Variants in IFFO2 observed in about 807,000 individuals in gnomAD.
The protein encoded by IFFO2 is intermediate filament family orphan 2.
Under a neutral mutation model 53.5 loss-of-function variants are expected in IFFO2, and 19 were observed. The observed-to-expected ratio is 0.36, with a 90% CI of 0.25 to 0.52. The LOEUF (loss-of-function observed/expected upper bound fraction) is 0.52, where lower values mean the gene tolerates loss of function less well. Ranked by LOEUF, IFFO2 falls within the 20% of genes least tolerant of loss-of-function variation. The pLI is 0.94. For synonymous variants in IFFO2, 303 were observed against 313.6 expected, an observed-to-expected ratio of 0.97 and a Z score of 0.36; for missense variants, 570 against 727.4, an observed-to-expected ratio of 0.78 and a Z score of 2.49.
rs530157883 is a variant in IFFO2, at chr1:18,919,777, C to T, written c.727-4G>A. 1.9e-5 allele frequency: 29 copies of T among 1,549,256 alleles called. No individual in the cohort carries two copies. The highest frequency in any genetic ancestry group is 7.1e-5 in the South Asian group (6 of 84,002). On this transcript the variant is annotated splice_polypyrimidine_tract_variant and splice_region_variant and intron_variant, in intron 2 of 8. Coordinates refer to ENST00000455833, the MANE Select transcript of IFFO2 (RefSeq NM_001136265.2). This position sits in a 1 kb window ranked among gnomAD's most constrained non-coding sequence, Gnocchi z 4.9. ...TGGCATCAGCCTCCTGTGCTGCCTGCGGGGACGGAGATGGGGAGGCTTCAG... is the reference window on the plus strand; with the variant it reads ...TGGCATCAGCCTCCTGTGCTGCCTGTGGGGACGGAGATGGGGAGGCTTCAG...
At chr1:18,913,835 G>T (rs1286774019) in intron 5 of IFFO2, among the ~76,000 whole-genome samples, 1 of 151,874 alleles carries the variant, frequency 6.6e-6, no homozygotes, top group Non-Finnish European at 1.5e-5. Context: ...TTTTTTGTTT[G>T]TTTGTTTGTT....
chr1:18,908,909 C>T (rs1935991633), intron 8 of IFFO2, among the ~76,000 whole-genome samples: 1 of 152,140 alleles, frequency 6.6e-6, no homozygotes, highest in South Asian at 2.1e-4. Flanking sequence ...GGGAGCTGGA[C>T]CGTGGATCAA....
chr1:18,913,869 C>A (rs1011118136), intron 5 of IFFO2, among the ~76,000 whole-genome samples: 1 of 152,130 alleles, frequency 6.6e-6, no homozygotes, highest in South Asian at 2.1e-4. Context: ...GTCTCGCTGT[C>A]GCCCAGGCTG....
Position 18,936,073 on chromosome 1 carries a change from C to T in IFFO2, c.666-14952G>A, listed in dbSNP as rs1936444409. 6.6e-6 allele frequency among the ~76,000 whole-genome samples: 1 copy of T among 152,080 alleles called. No homozygotes were observed. The highest frequency in any genetic ancestry group is 2.4e-5 in the African/African-American group (1 of 41,422). On this transcript the variant is annotated intron_variant, in intron 1 of 8. Transcript: ENST00000455833. This position sits in a 1 kb window ranked among gnomAD's most constrained non-coding sequence, Gnocchi z 4.5. Reference sequence around the variant, plus strand: ...GCAACTCCAGTGCCCAGCACAGAGCCTGGCACATAGGAGGCCCCATAAATA... The same window carrying T: ...GCAACTCCAGTGCCCAGCACAGAGCTTGGCACATAGGAGGCCCCATAAATA...
chr1:18,913,829 TTG>T (rs1256644681), intron 5 of IFFO2, among the ~76,000 whole-genome samples: 1 of 145,060 alleles, frequency 6.9e-6, no homozygotes, highest in Non-Finnish European at 1.5e-5. Flanking sequence ...TGTTGTTTTT[TTG>T]TTTGTTTGTT....
chr1:18,945,010 C>T (rs1228619857), intron 1 of IFFO2, among the ~76,000 whole-genome samples: 2 of 152,216 alleles, frequency 1.3e-5, no homozygotes, highest in Non-Finnish European at 2.9e-5. Flanking sequence ...CAAGCCCGGG[C>T]ACCAGGAGCA....
Position 18,916,834 on chromosome 1 carries a change from C to G in IFFO2, c.1103+69G>C. On this transcript the variant is annotated intron_variant, in intron 5 of 8. Transcript: ENST00000455833. This position sits in a 1 kb window ranked among gnomAD's most constrained non-coding sequence, Gnocchi z 4.3. The stretch of plus-strand genomic sequence containing the variant: ...GCTGCAGGCTACTCTCAGCCCAAGC[C>G]TCCCATTCACCGCCCCTGTGCAAGC... 1 of 1,521,230 alleles carries G rather than the reference C, an allele frequency of 6.6e-7. No homozygotes were observed. The highest frequency in any genetic ancestry group is 8.9e-7 in the Non-Finnish European group (1 of 1,124,332). The allele number at this position is 1,521,230 out of a possible 1,614,324, so 94.2% of individuals were successfully genotyped here. A position where few individuals can be genotyped will look rare whatever the true frequency, so the allele number is the denominator to read the frequency against.
rs1936036570 is a variant in IFFO2, at chr1:18,911,450, G to A, written c.1251C>T (p.Ile417=). The change falls in exon 7 of 9, where the codon ATC becomes ATT. Residue 417 remains isoleucine (I), a synonymous_variant. Transcript: ENST00000455833. Reference sequence around the variant, plus strand: ...TCTTGAAGAAGGATTCGGTCTCATGGATCAAGTTGCCCAAGTTTTCCTCTT... The same window carrying A: ...TCTTGAAGAAGGATTCGGTCTCATGAATCAAGTTGCCCAAGTTTTCCTCTT... ...GEQEENLGNL[I]HETESFFKTR... is the part of the protein sequence containing the mutation. 3.3e-6 allele frequency: 5 copies of A among 1,512,066 alleles called. No individual in the cohort carries two copies. In the East Asian group the frequency reaches 8.0e-5, roughly 24 times the overall value. 93.7% of individuals were successfully genotyped at this position (1,512,066 alleles called of 1,614,324 possible).
At position 18,916,884 on chromosome 1, in the gene IFFO2, G is replaced by A. The variant is rs547206570; in HGVS notation, c.1103+19C>T. 1.1e-4 allele frequency: 165 copies of A among 1,551,346 alleles called. No individual in the cohort carries two copies. The East Asian group carries it at 3.3e-3, about 31-fold the overall frequency. On this transcript the variant is annotated intron_variant, in intron 5 of 8. Transcript: ENST00000455833. The surrounding 1 kb of genome is among the most constrained non-coding windows in gnomAD (Gnocchi z 4.3). ...CAATCCGGGGAAACGGAGAGTGTGC[G>A]GGCCACGGGGATACTCACAGCTGGT...
chr1:18,939,974 G>A (rs996128985), intron 1 of IFFO2, among the ~76,000 whole-genome samples: 15 of 152,226 alleles, frequency 9.9e-5, no homozygotes, highest in African/African-American at 3.4e-4. Flanking sequence ...GAGACCCTTG[G>A]AGGAAAAGAA....
chr1:18,920,278 G>A lies in IFFO2; in HGVS notation c.727-505C>T, dbSNP rs556146318. On this transcript the variant is annotated intron_variant, in intron 2 of 8. Transcript: ENST00000455833. ...TTTCCACATATTTGACGATGAACCC[G>A]TTAAATTTATAAAGAAAAAAGCCCT... Among the ~76,000 whole-genome samples, 33 of 152,258 alleles carry A rather than the reference G, an allele frequency of 2.2e-4. 1 individual carries two copies. The South Asian group carries it at 3.9e-3, about 18-fold the overall frequency.
intron 1 of IFFO2, among the ~76,000 whole-genome samples, chr1:18,933,038 C>G (rs1283343854): frequency 6.6e-6 from 1 of 152,248 alleles, no homozygotes; most frequent in Non-Finnish European, 1.5e-5. Flanking sequence ...TCCCCCAGGA[C>G]AGAATCAACA....
intron 5 of IFFO2, among the ~76,000 whole-genome samples, chr1:18,915,379 T>C (rs1936116350): frequency 6.0e-5 from 1 of 16,760 alleles, no homozygotes; most frequent in Admixed American, 6.4e-4. Context: ...AGAGCTCTGA[T>C]TGGTAGCTCT....
chr1:18,911,450 G>C lies in IFFO2; in HGVS notation c.1251C>G (p.Ile417Met). The C allele has an allele frequency of 6.6e-7, 1 of 1,512,066 alleles. No homozygotes were observed. The highest frequency in any genetic ancestry group is 1.7e-4 in the Middle Eastern group (1 of 5,916). The allele number at this position is 1,512,066 out of a possible 1,614,324, so 93.7% of individuals were successfully genotyped here. A position where few individuals can be genotyped will look rare whatever the true frequency, so the allele number is the denominator to read the frequency against. ...GEQEENLGNL[I>M]HETESFFKTR... ...TCTTGAAGAAGGATTCGGTCTCATG[G>C]ATCAAGTTGCCCAAGTTTTCCTCTT... The change falls in exon 7 of 9, where the codon ATC (isoleucine) becomes ATG (methionine). Residue 417 changes from isoleucine (I) to methionine (M), a missense_variant. Physicochemically the swap from Ile to Met is conservative, Grantham distance 10. Coordinates refer to ENST00000455833, the MANE Select transcript of IFFO2 (RefSeq NM_001136265.2).
intron 1 of IFFO2, among the ~76,000 whole-genome samples, chr1:18,948,719 T>A (rs16862396): frequency 1.3e-5 from 2 of 152,096 alleles, no homozygotes; most frequent in East Asian, 1.9e-4. Context: ...GCTGTGCAAC[T>A]CACAGATGCT....
intron 1 of IFFO2, among the ~76,000 whole-genome samples, chr1:18,948,726 T>C (rs1203967614): frequency 1.3e-5 from 2 of 152,334 alleles, no homozygotes; most frequent in South Asian, 2.1e-4. Flanking sequence ...AACTCACAGA[T>C]GCTGCCAGCA....
Position 18,918,387 on chromosome 1 carries a change from G to A in IFFO2, c.938C>T (p.Ser313Leu). The A allele has an allele frequency of 6.4e-7, 1 of 1,552,318 alleles. No individual in the cohort carries two copies. Among genetic ancestry groups the A allele is most frequent in the Non-Finnish European group, 8.7e-7 (1 of 1,147,222 alleles). Residue 313 changes from serine to leucine, a missense_variant, in exon 4 of 9, where the codon TCA becomes TTA. By Grantham distance (145) the Ser-to-Leu change is moderately radical. Coordinates refer to ENST00000455833, the MANE Select transcript of IFFO2 (RefSeq NM_001136265.2). The surrounding 1 kb of genome is among the most constrained non-coding windows in gnomAD (Gnocchi z 5.2). ...CTGGAAGATCTTGGACACGTCTTCT[G>A]AGTTCCGCTGCTGTGCGACATCGCA... ...KLCDVAQQRN[S>L]EDVSKIFQVV...
chr1:18,920,821 C>G (rs1936206242), intron 2 of IFFO2, among the ~76,000 whole-genome samples: 1 of 152,226 alleles, frequency 6.6e-6, no homozygotes, highest in Non-Finnish European at 1.5e-5. Context: ...GACCTGGACC[C>G]AGGCTTCTCA....
chr1:18,925,036 C>T (rs1936264140), intron 1 of IFFO2, among the ~76,000 whole-genome samples: 2 of 152,178 alleles, frequency 1.3e-5, no homozygotes, highest in South Asian at 4.1e-4. Context: ...CGCCCCTGCC[C>T]ACCCTGACCC....
Sources: allele counts gnomAD v4.1 joint callset (sites outside exome capture counted in the v4.1 genomes callset), GRCh38; gene constraint gnomAD v4.1.1; non-coding constraint Gnocchi (gnomAD v3.1); transcripts MANE v1.5; gene names NCBI Gene and HGNC (gene_info 2026-07-23, HGNC 2026-07-21).